CDKAL1: variants seen among roughly 807,000 people sequenced by gnomAD.
CDKAL1 encodes CDKAL1 threonylcarbamoyladenosine tRNA methylthiotransferase, also known as threonylcarbamoyladenosine tRNA methylthiotransferase.
A neutral mutation model predicts 68.2 loss-of-function variants in CDKAL1; 32 were observed. That is an observed-to-expected ratio of 0.47 (90% confidence interval 0.35 to 0.63). The LOEUF (loss-of-function observed/expected upper bound fraction) is 0.63, where lower values mean the gene tolerates loss of function less well. Ranked by LOEUF, CDKAL1 falls within the 30% of genes least tolerant of loss-of-function variation. The pLI is 0.00. For missense variants in CDKAL1, 606 were observed against 696.7 expected (o/e 0.87, Z 1.47); for synonymous variants, 234 against 244.3 (o/e 0.96, Z 0.39).
At chr6:20,935,468 G>T (rs557080193) in intron 9 of CDKAL1, among the ~76,000 whole-genome samples, 6 of 146,476 alleles carry the variant, frequency 4.1e-5, no homozygotes, top group African/African-American at 1.5e-4. Flanking sequence ...TCACTCTGTT[G>T]CCCAGGCTAG....
intron 8 of CDKAL1, among the ~76,000 whole-genome samples, chr6:20,842,370 A>C (rs775934307): frequency 6.6e-6 from 1 of 152,198 alleles, no homozygotes; most frequent in African/African-American, 2.4e-5. Context: ...GTACCCTATA[A>C]ATATATACAC....
chr6:20,874,387 TC>T (rs1159713890), intron 9 of CDKAL1, among the ~76,000 whole-genome samples: 1 of 152,058 alleles, frequency 6.6e-6, no homozygotes, highest in Non-Finnish European at 1.5e-5. Context: ...CATTGCAACT[TC>T]CGCCTCCTGG....
At chr6:21,045,132 T>C (rs201323) in intron 11 of CDKAL1, among the ~76,000 whole-genome samples, 24,664 of 152,198 alleles carry the variant, frequency 0.16, 2,211 homozygotes, top group Middle Eastern at 0.23. Flanking sequence ...GACACCATCA[T>C]TCAAACCATA....
At chr6:20,657,200 T>A (rs1047490211) in intron 5 of CDKAL1, among the ~76,000 whole-genome samples, 1 of 152,194 alleles carries the variant, frequency 6.6e-6, no homozygotes, top group Non-Finnish European at 1.5e-5. Flanking sequence ...ACATGTGCCT[T>A]TTCTCATCCT....
intron 4 of CDKAL1, among the ~76,000 whole-genome samples, chr6:20,554,230 C>T (rs148012614): frequency 1.3e-5 from 2 of 152,314 alleles, no homozygotes; most frequent in East Asian, 3.9e-4. Flanking sequence ...TTACTTGTAT[C>T]GTGGGTACAT....
At chr6:21,137,163 C>A (rs1372919423) in intron 13 of CDKAL1, among the ~76,000 whole-genome samples, 2 of 152,104 alleles carry the variant, frequency 1.3e-5, no homozygotes, top group Non-Finnish European at 2.9e-5. Context: ...CAAAAGGTCA[C>A]CAAGACTCAT....
chr6:20,578,238 AT>A (rs199705848), intron 4 of CDKAL1, among the ~76,000 whole-genome samples: 2 of 152,006 alleles, frequency 1.3e-5, no homozygotes, highest in East Asian at 1.9e-4. Context: ...AGTTGAGTGA[AT>A]TTTTTTTCCC....
intron 13 of CDKAL1, among the ~76,000 whole-genome samples, chr6:21,151,664 G>A (rs1412576830): frequency 6.6e-6 from 1 of 152,028 alleles, no homozygotes; most frequent in East Asian, 1.9e-4. Context: ...TCTCATTATG[G>A]AACATTTGCC....
At chr6:21,069,804 T>TTTTAAAAA (rs60342057) in intron 12 of CDKAL1, among the ~76,000 whole-genome samples, 14 of 85,516 alleles carry the variant, frequency 1.6e-4, no homozygotes, top group East Asian at 1.6e-3. Context: ...TTTTTTTTTT[T>TTTTAAAAA]AAAACAGAGC....
At chr6:20,988,939 C>G (rs562330416) in intron 10 of CDKAL1, among the ~76,000 whole-genome samples, 2 of 151,188 alleles carry the variant, frequency 1.3e-5, no homozygotes, top group African/African-American at 4.9e-5. Flanking sequence ...ATTACAGGTA[C>G]GAGCCACCGT....
Position 20,780,675 on chromosome 6 carries a change from T to C in CDKAL1, c.518-470T>C, listed in dbSNP as rs1376261933. ...GTTTTTTTTCATTTCTTTTTCTTTT[T>C]TTTTTTTTTTTTTTTTGAGATGGAG... On this transcript the variant is annotated intron_variant, in intron 7 of 15. Transcript: ENST00000274695. Among the ~76,000 whole-genome samples, 89 of 41,196 alleles carry C rather than the reference T, an allele frequency of 2.2e-3. 4 individuals carry two copies. The highest frequency in any genetic ancestry group is 7.5e-3 in the South Asian group (12 of 1,602). 27.0% of individuals were successfully genotyped at this position (41,196 alleles called of 152,430 possible). A position where few individuals can be genotyped will look rare whatever the true frequency, so the allele number is the denominator to read the frequency against.
At chr6:20,843,888 A>G (rs1405213305) in intron 8 of CDKAL1, among the ~76,000 whole-genome samples, 1 of 152,188 alleles carries the variant, frequency 6.6e-6, no homozygotes, top group Non-Finnish European at 1.5e-5. Flanking sequence ...CTGGAAGGGT[A>G]CTGATTTAAC....
intron 9 of CDKAL1, among the ~76,000 whole-genome samples, chr6:20,952,746 T>G (rs1260617760): frequency 6.6e-6 from 1 of 152,242 alleles, no homozygotes; most frequent in Non-Finnish European, 1.5e-5. Context: ...ACTGAAGCCC[T>G]CAGGTGCTCT....
chr6:20,783,091 G>A (rs1024452198), intron 8 of CDKAL1, among the ~76,000 whole-genome samples: 6 of 152,092 alleles, frequency 3.9e-5, no homozygotes, highest in African/African-American at 9.6e-5. Context: ...CACCATGCCC[G>A]GTTAATTTTT....
chr6:20,702,032 A>G (rs765505440), intron 5 of CDKAL1, among the ~76,000 whole-genome samples: 1 of 152,176 alleles, frequency 6.6e-6, no homozygotes, highest in Non-Finnish European at 1.5e-5. Context: ...CAGGGATTAA[A>G]TTTTCTCAGA....
chr6:20,692,149 C>T (rs985987704), intron 5 of CDKAL1, among the ~76,000 whole-genome samples: 6 of 152,182 alleles, frequency 3.9e-5, no homozygotes, highest in African/African-American at 1.4e-4. Context: ...TTTCTCCCCC[C>T]TCTGAGTAAA....
At chr6:20,838,142 A>G (rs150045482) in intron 8 of CDKAL1, among the ~76,000 whole-genome samples, 26 of 152,190 alleles carry the variant, frequency 1.7e-4, no homozygotes, top group Middle Eastern at 3.4e-3. Context: ...TTTATGGTAT[A>G]TTAGGAATAT....
intron 5 of CDKAL1, among the ~76,000 whole-genome samples, chr6:20,692,394 G>A (rs1179315824): frequency 6.6e-6 from 1 of 152,132 alleles, no homozygotes; most frequent in Non-Finnish European, 1.5e-5. Context: ...TGTGAATTCT[G>A]CCTACTACTA....
In CDKAL1 at chr6:20,907,407, G is replaced by C. The variant is rs571497631; in HGVS notation, c.743-48012G>C. Among the ~76,000 whole-genome samples, 12 of 152,034 alleles carry C rather than the reference G, an allele frequency of 7.9e-5. No homozygotes were observed. In the East Asian group the frequency reaches 2.3e-3, roughly 29 times the overall value. On this transcript the variant is annotated intron_variant, in intron 9 of 15. Coordinates refer to ENST00000274695, the MANE Select transcript of CDKAL1 (RefSeq NM_017774.3). ...ACTGCACTCCAGTTTGGATGACAGA[G>C]ACCTTGTCTCAAAACAAAAACAAAA...
Sources: gnomAD v4.1 joint callset for allele counts (sites outside exome capture counted in the v4.1 genomes callset) on GRCh38, gnomAD v4.1.1 for gene constraint, MANE v1.5 for transcripts, NCBI Gene and HGNC (gene_info 2026-07-23, HGNC 2026-07-21) for gene names.